Variants in F13A1 observed in about 807,000 individuals in gnomAD.
F13A1 encodes the protein FSF, A subunit.
In F13A1, 47 loss-of-function variants were observed where a neutral mutation model predicts 80.1. The observed-to-expected ratio is 0.59, with a 90% confidence interval of 0.46 to 0.75. The LOEUF (loss-of-function observed/expected upper bound fraction) is 0.75, where lower values mean the gene tolerates loss of function less well. Among genes scored for constraint, F13A1 ranks in the 30% least tolerant of loss-of-function variants. The probability of loss-of-function intolerance (pLI) is 0.00; values close to 1 mark genes in which losing one functional copy is unlikely to be tolerated. For missense variants in F13A1, 817 were observed against 930.4 expected (o/e 0.88, Z 1.59); for synonymous variants, 349 against 344.9 (o/e 1.01, Z -0.13).
chr6:6,299,508 A>G (rs1430760441), intron 3 of F13A1, among the ~76,000 whole-genome samples: 9 of 129,908 alleles, frequency 6.9e-5, no homozygotes, highest in Admixed American at 4.5e-4. Flanking sequence ...TTCATCTTCC[A>G]TCGCTGATAC....
chr6:6,177,981 C>G (rs1192933766), intron 11 of F13A1, among the ~76,000 whole-genome samples: 4 of 129,694 alleles, frequency 3.1e-5, no homozygotes, highest in Non-Finnish European at 4.7e-5. Context: ...GACCAGGTGC[C>G]GAAAAGCCAC....
At position 6,266,715 on chromosome 6, in the gene F13A1, T is replaced by A; in HGVS notation, c.414A>T (p.Arg138Ser). The stretch of plus-strand genomic sequence containing the variant: ...TGGACAGCCGCACAGACCTGTCCTC[T>A]CTCATGACAATCTTGGCCCCCCACT... The part of the protein sequence containing the change: ...SGKWGAKIVM[R>S]EDRSVRLSIQ... Residue 138 changes from arginine to serine, a missense_variant, in exon 4 of 15, where the codon AGA becomes AGT. Transcript: ENST00000264870. 1 of 1,614,204 alleles carries A rather than the reference T, an allele frequency of 6.2e-7. No homozygotes were observed. The highest frequency in any genetic ancestry group is 8.5e-7 in the Non-Finnish European group (1 of 1,180,036).
At chr6:6,285,954 G>A (rs1169314779) in intron 3 of F13A1, among the ~76,000 whole-genome samples, 1 of 152,248 alleles carries the variant, frequency 6.6e-6, no homozygotes, top group Non-Finnish European at 1.5e-5. Flanking sequence ...AGGAAAAAAT[G>A]CATCAAGTGG....
intron 14 of F13A1, among the ~76,000 whole-genome samples, chr6:6,150,797 C>G (rs1362208387): frequency 9.9e-5 from 15 of 151,980 alleles, no homozygotes; most frequent in Admixed American, 9.8e-4. Flanking sequence ...AGATTGGGAT[C>G]CATTCTGGGT....
In F13A1 at chr6:6,243,929, G is replaced by A. The variant is rs1757521043; in HGVS notation, c.798+4383C>T. 6.6e-6 allele frequency among the ~76,000 whole-genome samples: 1 copy of A among 152,236 alleles called. No individual in the cohort carries two copies. Among genetic ancestry groups the A allele is most frequent in the African/African-American group, 2.4e-5 (1 of 41,460 alleles). ...CAGAAGCAGCTGCATCTCCTTGGGG[G>A]AAATTCTCTGCCCATAGTTGCTGCC... is the stretch of plus-strand genomic sequence containing the variant. On this transcript the variant is annotated intron_variant, in intron 6 of 14. Transcript: ENST00000264870. The surrounding 1 kb of genome is among the most constrained non-coding windows in gnomAD (Gnocchi z 4.2).
chr6:6,154,216 GAAGCCAC>G (rs1760436014), intron 13 of F13A1, among the ~76,000 whole-genome samples: 2 of 151,116 alleles, frequency 1.3e-5, no homozygotes, highest in Non-Finnish European at 2.9e-5. Context: ...CATTGGATTT[GAAGCCAC>G]ACTGACAAGA....
At chr6:6,226,857 GA>G (rs1310186254) in intron 6 of F13A1, among the ~76,000 whole-genome samples, 2 of 152,172 alleles carry the variant, frequency 1.3e-5, no homozygotes, top group Non-Finnish European at 2.9e-5. Context: ...TATTAAGACA[GA>G]AAAATGTAGA....
At chr6:6,260,508 G>A (rs983852231) in intron 4 of F13A1, among the ~76,000 whole-genome samples, 5 of 152,286 alleles carry the variant, frequency 3.3e-5, no homozygotes, top group African/African-American at 7.2e-5. Flanking sequence ...AGGCCATAGC[G>A]CTGAATCCTT....
At position 6,195,114 on chromosome 6, in the gene F13A1, C is replaced by T. The variant is rs559898651; in HGVS notation, c.1305+683G>A. Among the ~76,000 whole-genome samples, 8 of 152,348 alleles carry T rather than the reference C, an allele frequency of 5.3e-5. No homozygotes were observed. In the South Asian group the frequency reaches 1.0e-3, roughly 20 times the overall value. On this transcript the variant is annotated intron_variant, in intron 10 of 14. Transcript: ENST00000264870. The stretch of plus-strand genomic sequence containing the variant: ...CTTCTCGTTTACCCAACATCTCTTA[C>T]ATTTAATTTGATTTTCAGAGCTCTC...
chr6:6,256,525 C>T (rs1334982750), intron 4 of F13A1, among the ~76,000 whole-genome samples: 1 of 152,110 alleles, frequency 6.6e-6, no homozygotes, highest in Non-Finnish European at 1.5e-5. Flanking sequence ...CCCTTGCAGG[C>T]TGACTAACAA....
At chr6:6,292,177 T>A (rs1408940830) in intron 3 of F13A1, among the ~76,000 whole-genome samples, 5 of 152,156 alleles carry the variant, frequency 3.3e-5, no homozygotes. Flanking sequence ...ATGGGAGGCA[T>A]ACAGCACCTC....
At chr6:6,273,303 T>C (rs953783609) in intron 3 of F13A1, among the ~76,000 whole-genome samples, 3 of 152,210 alleles carry the variant, frequency 2.0e-5, no homozygotes, top group African/African-American at 7.2e-5. Flanking sequence ...ACCTAATAAA[T>C]GTCAGTGAGG....
At chr6:6,246,212 C>T (rs556077626) in intron 6 of F13A1, among the ~76,000 whole-genome samples, 7 of 152,230 alleles carry the variant, frequency 4.6e-5, no homozygotes, top group East Asian at 1.9e-4. Context: ...GATTTGTGAA[C>T]GGGAGAGTAT....
At chr6:6,277,576 C>T (rs1026731448) in intron 3 of F13A1, among the ~76,000 whole-genome samples, 1 of 152,194 alleles carries the variant, frequency 6.6e-6, no homozygotes, top group African/African-American at 2.4e-5. Context: ...TCACCAGATG[C>T]TGACTAACTA....
intron 3 of F13A1, among the ~76,000 whole-genome samples, chr6:6,286,503 GAATA>G (rs1348573862): frequency 1.3e-5 from 2 of 152,152 alleles, no homozygotes; most frequent in Non-Finnish European, 2.9e-5. Context: ...TAAAGCTTTT[GAATA>G]AACTTTCACT....
intron 1 of F13A1, among the ~76,000 whole-genome samples, chr6:6,320,171 G>A (rs1253357126): frequency 1.3e-5 from 2 of 152,076 alleles, no homozygotes; most frequent in African/African-American, 2.4e-5. Context: ...GCGCAGGAGT[G>A]GGGAGGCGCG....
At chr6:6,259,022 A>G (rs1757742587) in intron 4 of F13A1, among the ~76,000 whole-genome samples, 2 of 152,214 alleles carry the variant, frequency 1.3e-5, no homozygotes, top group African/African-American at 4.8e-5. Context: ...GCTAGAAGCT[A>G]TACGAAGATT....
chr6:6,224,355 T>G (rs1757244672), intron 7 of F13A1, among the ~76,000 whole-genome samples: 1 of 149,792 alleles, frequency 6.7e-6, no homozygotes, highest in Non-Finnish European at 1.5e-5. Context: ...TTTAACTGTT[T>G]TAGTTTTTTT....
chr6:6,292,100 C>A (rs1198613516), intron 3 of F13A1, among the ~76,000 whole-genome samples: 2 of 152,160 alleles, frequency 1.3e-5, no homozygotes, highest in African/African-American at 4.8e-5. Flanking sequence ...ATCCTTTCAA[C>A]CATTATCTCA....
Sources: allele counts gnomAD v4.1 joint callset (sites outside exome capture counted in the v4.1 genomes callset), GRCh38; gene constraint gnomAD v4.1.1; non-coding constraint Gnocchi (gnomAD v3.1); transcripts MANE v1.5; gene names NCBI Gene and HGNC (gene_info 2026-07-23, HGNC 2026-07-21).